The following OTOA variants were observed in gnomAD, a reference collection of about 807,000 sequenced individuals.
The protein encoded by OTOA is cancer/testis antigen 108.
A neutral mutation model predicts 110.8 loss-of-function variants in OTOA; 70 were observed. The ratio of observed to expected loss-of-function variants is 0.63; its 90% confidence interval spans 0.52 to 0.77. The LOEUF (loss-of-function observed/expected upper bound fraction) is 0.77, where lower values mean the gene tolerates loss of function less well. OTOA is among the 30% of genes least tolerant of loss of function. The pLI is 0.00. For missense variants in OTOA, 917 were observed against 1,075.8 expected, an observed-to-expected ratio of 0.85 and a Z score of 2.06; for synonymous variants, 373 against 431.5, an observed-to-expected ratio of 0.86 and a Z score of 1.68.
At chr16:21,725,502 G>C (rs1898885181) in intron 18 of OTOA, among the ~76,000 whole-genome samples, 1 of 152,074 alleles carries the variant, frequency 6.6e-6, no homozygotes, top group Non-Finnish European at 1.5e-5. Flanking sequence ...CGCTCAGGCT[G>C]GTCTCAAACT....
At chr16:21,697,668 T>G in intron 9 of OTOA, 107 bp from the exon 10 acceptor site, 2 of 1,005,154 alleles carry the variant, frequency 2.0e-6, no homozygotes, top group African/African-American at 3.2e-5. Context: ...AATTAATGAA[T>G]GCAAGAAGTA....
chr16:21,667,890 A>T (rs1256706484), intron 1 of OTOA, among the ~76,000 whole-genome samples: 1 of 152,194 alleles, frequency 6.6e-6, no homozygotes, highest in Non-Finnish European at 1.5e-5. Flanking sequence ...AACTATTTAA[A>T]CAACCTAAAA....
At position 21,714,423 on chromosome 16, in the gene OTOA, C is replaced by CCTTT. The variant is rs1285699164; in HGVS notation, c.1321-555_1321-552dup. ...TCTCTTTCTTTCTCTTTCTTTCTTT[C>CCTTT]CTTTCTTTCTCTCTTTCTTTCTTTC... is the stretch of plus-strand genomic sequence containing the variant. On this transcript the variant is annotated intron_variant, in intron 13 of 28. Transcript: ENST00000646100. Among the ~76,000 whole-genome samples, 9 of 138,114 alleles carry CCTTT rather than the reference C, an allele frequency of 6.5e-5. No homozygotes were observed. The East Asian group carries it at 1.9e-3, about 29-fold the overall frequency. The allele number at this position is 138,114 out of a possible 152,430, so 90.6% of individuals were successfully genotyped here.
At position 21,678,407 on chromosome 16, in the gene OTOA, C is replaced by CATAT. The variant is rs113757042; in HGVS notation, c.-4-93_-4-90dup. ...TTTTTCCTTTTGTCTTCTGAATGTCCATATATATATATATGTTTATATACA... is the reference window on the plus strand; with the variant it reads ...TTTTTCCTTTTGTCTTCTGAATGTCCATATATATATATATATATGTTTATATACA... On this transcript the variant is annotated intron_variant, in intron 1 of 28. Coordinates refer to ENST00000646100, the MANE Select transcript of OTOA (RefSeq NM_144672.4). 9.7e-3 allele frequency: 6,292 copies of CATAT among 648,404 alleles called. 34 individuals are homozygous for CATAT. The highest frequency in any genetic ancestry group is 0.014 in the Middle Eastern group (31 of 2,144). The allele number at this position is 648,404 out of a possible 1,614,324, so 40.2% of individuals were successfully genotyped here. A position where few individuals can be genotyped will look rare whatever the true frequency, so the allele number is the denominator to read the frequency against.
chr16:21,714,730 C>T (rs1898495840), intron 13 of OTOA, among the ~76,000 whole-genome samples: 5 of 151,964 alleles, frequency 3.3e-5, no homozygotes, highest in Admixed American at 2.0e-4. Flanking sequence ...CAGGTGGTCT[C>T]GAACTCTTGA....
At chr16:21,688,548 C>G (rs1280827022) in intron 8 of OTOA, among the ~76,000 whole-genome samples, 1 of 152,070 alleles carries the variant, frequency 6.6e-6, no homozygotes, top group East Asian at 1.9e-4. Flanking sequence ...GACTGTGTGG[C>G]TAGTAAACAA....
At chr16:21,702,375 A>T (rs1359246416) in intron 11 of OTOA, among the ~76,000 whole-genome samples, 2 of 152,138 alleles carry the variant, frequency 1.3e-5, no homozygotes, top group African/African-American at 4.8e-5. Flanking sequence ...AAACAATTAC[A>T]TCTGTTTCAC....
chr16:21,708,670 T>C (rs530114036), intron 12 of OTOA, among the ~76,000 whole-genome samples: 1 of 152,298 alleles, frequency 6.6e-6, no homozygotes, highest in South Asian at 2.1e-4. Context: ...ACCCAGGCGC[T>C]TTGACAGTTG....
At position 21,685,246 on chromosome 16, in the gene OTOA, A is replaced by G; in HGVS notation, c.284A>G (p.His95Arg). 6.2e-7 allele frequency: 1 copy of G among 1,612,460 alleles called. No homozygotes were observed. The highest frequency in any genetic ancestry group is 1.1e-5 in the South Asian group (1 of 91,036). ...IPSLQAAVENHLEQRLHQPQK... is the reference protein window; with the variant it reads ...IPSLQAAVENRLEQRLHQPQK... ...CAAATACAGGCAGCCGTGGAAAACCACCTGGAGCAGCGTCTGCACCAGCCC... is the reference window on the plus strand; with the variant it reads ...CAAATACAGGCAGCCGTGGAAAACCGCCTGGAGCAGCGTCTGCACCAGCCC... Residue 95 changes from histidine to arginine, a missense_variant, in exon 7 of 29, where the codon CAC (histidine) becomes CGC (arginine). Physicochemically the swap from His to Arg is conservative, Grantham distance 29 (BLOSUM62 0). This residue lies in a region of OTOA where 840 missense variants were observed against 910.2 expected (regional missense o/e 0.92). Coordinates refer to ENST00000646100, the MANE Select transcript of OTOA (RefSeq NM_144672.4).
At chr16:21,719,342 C>T (rs777106783) in intron 16 of OTOA, 45 bp from the exon 17 acceptor site, 1 of 1,589,266 alleles carries the variant, frequency 6.3e-7, no homozygotes, top group East Asian at 2.2e-5. Flanking sequence ...CTTTCCTCTC[C>T]TCCTCACTTC....
intron 20 of OTOA, among the ~76,000 whole-genome samples, 181 bp downstream of exon 20, chr16:21,728,612 C>T (rs969262561): frequency 6.0e-5 from 9 of 150,682 alleles, no homozygotes; most frequent in Admixed American, 2.6e-4. Flanking sequence ...TTTTCTTAGA[C>T]GGAGTCTCGC....
intron 1 of OTOA, among the ~76,000 whole-genome samples, chr16:21,669,205 CG>C (rs1966845900): frequency 6.6e-6 from 1 of 151,592 alleles, no homozygotes; most frequent in Non-Finnish European, 1.5e-5. Context: ...TTAGCCGGTG[CG>C]GTGGCACAAG....
chr16:21,689,310 C>T (rs1897782555), intron 8 of OTOA, among the ~76,000 whole-genome samples: 1 of 152,148 alleles, frequency 6.6e-6, no homozygotes, highest in South Asian at 2.1e-4. Flanking sequence ...CTCATCGTTT[C>T]TCTAGGTTGC....
At chr16:21,704,086 C>G (rs1467331843) in intron 11 of OTOA, among the ~76,000 whole-genome samples, 1 of 152,150 alleles carries the variant, frequency 6.6e-6, no homozygotes, top group East Asian at 1.9e-4. Context: ...AGCTGGGCTT[C>G]AAACTGCAGT....
chr16:21,700,528 C>A (rs979059832), intron 10 of OTOA, among the ~76,000 whole-genome samples: 8 of 151,850 alleles, frequency 5.3e-5, no homozygotes, highest in African/African-American at 1.9e-4. Flanking sequence ...AGTTCGAGAC[C>A]AGCCTGGACA....
intron 21 of OTOA, among the ~76,000 whole-genome samples, chr16:21,734,664 G>A (rs1428013915): frequency 1.3e-5 from 2 of 151,928 alleles, no homozygotes; most frequent in Non-Finnish European, 2.9e-5. Flanking sequence ...GTGAAACCCC[G>A]TCTCTACTAA....
chr16:21,696,815 T>A (rs1463086455), intron 9 of OTOA, among the ~76,000 whole-genome samples: 4 of 151,926 alleles, frequency 2.6e-5, no homozygotes, highest in African/African-American at 9.7e-5. Context: ...TAGTAACCAA[T>A]CGAATGAAAA....
intron 13 of OTOA, among the ~76,000 whole-genome samples, chr16:21,714,605 G>C (rs1338419684): frequency 6.6e-6 from 1 of 151,706 alleles, no homozygotes; most frequent in Non-Finnish European, 1.5e-5. Flanking sequence ...TCTGCCTCCT[G>C]GGTTCAAGCA....
chr16:21,672,622 C>CAAAA (rs3054190), intron 1 of OTOA, among the ~76,000 whole-genome samples: 46 of 92,094 alleles, frequency 5.0e-4, no homozygotes, highest in African/African-American at 1.1e-3. Context: ...GACTCCATCT[C>CAAAA]AAAAAAAAAA....
Sources: allele counts gnomAD v4.1 joint callset (sites outside exome capture counted in the v4.1 genomes callset), GRCh38; gene constraint gnomAD v4.1.1; regional missense constraint gnomAD v4.1.1; transcripts MANE v1.5; gene names NCBI Gene and HGNC (gene_info 2026-07-23, HGNC 2026-07-21).